Variants in SCRG1 observed in about 807,000 individuals in gnomAD.
The protein encoded by SCRG1 is scrapie-responsive protein 1.
A neutral mutation model predicts 7.7 loss-of-function variants in SCRG1; 3 were observed. That is an observed-to-expected ratio of 0.39 (90% CI 0.18 to 1.01). The LOEUF (loss-of-function observed/expected upper bound fraction) is 1.01. SCRG1 is among the 50% of genes least tolerant of loss of function. The pLI is 0.36. For missense variants in SCRG1, 110 were observed against 117.2 expected (o/e 0.94, Z 0.28); for synonymous variants, 46 against 41.2 (o/e 1.12, Z -0.44).
chr4:173,515,536 G>A, the SCRG1 span, among the ~76,000 whole-genome samples: 1 of 152,110 alleles, frequency 6.6e-6, no homozygotes, highest in Non-Finnish European at 1.5e-5. The surrounding 1 kb of genome is among the most constrained non-coding windows in gnomAD (Gnocchi z 4.6). Flanking sequence ...CTTTCATTAG[G>A]TCATAAATGC....
the SCRG1 span, among the ~76,000 whole-genome samples, chr4:173,484,445 TATAA>T: frequency 3.9e-5 from 1 of 25,730 alleles, no homozygotes; most frequent in African/African-American, 1.1e-4. Context: ...ACATATGATA[TATAA>T]TATATATTAT....
chr4:173,438,471 A>G, the SCRG1 span, among the ~76,000 whole-genome samples: 12 of 152,102 alleles, frequency 7.9e-5, no homozygotes, highest in African/African-American at 2.9e-4. Context: ...AATCTCAATT[A>G]AAATTGCTGT....
chr4:173,485,953 G>T, the SCRG1 span, among the ~76,000 whole-genome samples: 3 of 152,212 alleles, frequency 2.0e-5, no homozygotes, highest in Middle Eastern at 6.8e-3. Context: ...CTGGGCAACA[G>T]AATGAGACTC....
At chr4:173,512,570 G>A in the SCRG1 span, among the ~76,000 whole-genome samples, 3 of 152,198 alleles carry the variant, frequency 2.0e-5, no homozygotes, top group African/African-American at 4.8e-5. Context: ...ATAAGGGAAG[G>A]AGCAGCTGAG....
At chr4:173,459,633 A>G in the SCRG1 span, among the ~76,000 whole-genome samples, 1 of 152,238 alleles carries the variant, frequency 6.6e-6, no homozygotes, top group East Asian at 1.9e-4. Flanking sequence ...GGAAGTTTAT[A>G]GAAATAAACA....
the SCRG1 span, among the ~76,000 whole-genome samples, chr4:173,473,865 C>A: frequency 6.6e-6 from 1 of 152,142 alleles, no homozygotes; most frequent in African/African-American, 2.4e-5. Context: ...TGATTTAGAA[C>A]AACAAACACA....
At chr4:173,500,740 T>C in the SCRG1 span, among the ~76,000 whole-genome samples, 2 of 151,480 alleles carry the variant, frequency 1.3e-5, no homozygotes, top group African/African-American at 2.5e-5. Flanking sequence ...CCCGCCTCCG[T>C]CTCCCAAAGT....
the SCRG1 span, among the ~76,000 whole-genome samples, chr4:173,501,523 A>G: frequency 6.6e-6 from 1 of 152,160 alleles, no homozygotes; most frequent in Non-Finnish European, 1.5e-5. This position sits in a 1 kb window ranked among gnomAD's most constrained non-coding sequence, Gnocchi z 5.1. Context: ...CAGTAGGCAC[A>G]CGAAGAACGG....
the SCRG1 span, among the ~76,000 whole-genome samples, chr4:173,517,162 G>A: frequency 6.6e-6 from 1 of 152,114 alleles, no homozygotes; most frequent in Non-Finnish European, 1.5e-5. Context: ...CTCGGGGCTC[G>A]GGCGGGGTCA....
chr4:173,511,516 A>C, the SCRG1 span, among the ~76,000 whole-genome samples: 2 of 152,072 alleles, frequency 1.3e-5, no homozygotes, highest in South Asian at 4.2e-4. The surrounding 1 kb of genome is among the most constrained non-coding windows in gnomAD (Gnocchi z 5.2). Context: ...CTTAAACAAG[A>C]GGTCCCTGGA....
chr4:173,457,123 G>A, the SCRG1 span, among the ~76,000 whole-genome samples: 1 of 152,226 alleles, frequency 6.6e-6, no homozygotes, highest in Non-Finnish European at 1.5e-5. Context: ...TGAAGGCCAG[G>A]GTGGCCTGAG....
At chr4:173,483,207 T>A in the SCRG1 span, among the ~76,000 whole-genome samples, 1 of 61,756 alleles carries the variant, frequency 1.6e-5, no homozygotes, top group African/African-American at 4.7e-5. Context: ...TATTATATGA[T>A]ATATCATATA....
chr4:173,510,454 G>A, the SCRG1 span, among the ~76,000 whole-genome samples: 4 of 150,054 alleles, frequency 2.7e-5, no homozygotes, highest in Non-Finnish European at 5.9e-5. The surrounding 1 kb of genome is among the most constrained non-coding windows in gnomAD (Gnocchi z 5.7). Flanking sequence ...ATAAATTAAC[G>A]CAAAACAGAG....
At chr4:173,412,342 AT>A in the SCRG1 span, among the ~76,000 whole-genome samples, 1 of 152,186 alleles carries the variant, frequency 6.6e-6, no homozygotes, top group East Asian at 1.9e-4. Flanking sequence ...CATCTCTCAC[AT>A]TTATGTTAGA....
the SCRG1 span, among the ~76,000 whole-genome samples, chr4:173,512,307 A>AG: frequency 6.6e-6 from 1 of 152,226 alleles, no homozygotes; most frequent in East Asian, 1.9e-4. Flanking sequence ...GGTCCCTAAG[A>AG]GGGACAGGGG....
At chr4:173,503,923 G>C in the SCRG1 span, among the ~76,000 whole-genome samples, 1 of 152,222 alleles carries the variant, frequency 6.6e-6, no homozygotes, top group African/African-American at 2.4e-5. The surrounding 1 kb of genome is among the most constrained non-coding windows in gnomAD (Gnocchi z 6.4). Context: ...CGTGGGGATA[G>C]TAAGTTTTCT....
chr4:173,463,487 C>T, the SCRG1 span, among the ~76,000 whole-genome samples: 8 of 152,034 alleles, frequency 5.3e-5, no homozygotes, highest in Non-Finnish European at 2.9e-5. Flanking sequence ...TTGGCCAGGC[C>T]GGTCTCGAAC....
chr4:173,466,580 T>C, the SCRG1 span, among the ~76,000 whole-genome samples: 2 of 152,100 alleles, frequency 1.3e-5, no homozygotes, highest in African/African-American at 4.8e-5. Context: ...GATAACCACT[T>C]AGGGAAAATG....
chr4:173,425,257 T>C, the SCRG1 span, among the ~76,000 whole-genome samples: 1 of 152,218 alleles, frequency 6.6e-6, no homozygotes, highest in African/African-American at 2.4e-5. Flanking sequence ...TTTTGCCTTT[T>C]TAATTTGGGT....
Sources: gnomAD v4.1 joint callset for allele counts (sites outside exome capture counted in the v4.1 genomes callset) on GRCh38, gnomAD v4.1.1 for gene constraint, Gnocchi (gnomAD v3.1) non-coding constraint, MANE v1.5 for transcripts, NCBI Gene and HGNC (gene_info 2026-07-23, HGNC 2026-07-21) for gene names.